Variants in ACAA2 observed in about 807,000 individuals in gnomAD.
ACAA2 encodes the protein 3-ketoacyl-CoA thiolase, mitochondrial.
Under a neutral mutation model 44.8 loss-of-function variants are expected in ACAA2, and 35 were observed. The observed-to-expected ratio is 0.78, with a 90% CI of 0.60 to 1.04. The LOEUF is 1.04. ACAA2 is among the 50% of genes least tolerant of loss of function. The pLI is 0.00. For missense variants in ACAA2, 468 were observed against 482.6 expected (o/e 0.97, Z 0.28); for synonymous variants, 142 against 166.5 (o/e 0.85, Z 1.13).
chr18:49,791,349 T>G (rs2023396355), intron 7 of ACAA2, 121 bp downstream of exon 7: 2 of 878,242 alleles, frequency 2.3e-6, no homozygotes, highest in African/African-American at 3.4e-5. Flanking sequence ...TTTAAACTGA[T>G]TACCAATCTT....
chr18:49,784,061 A>G (rs2023297916), intron 9 of ACAA2, 130 bp from the exon 10 acceptor site: 1 of 753,340 alleles, frequency 1.3e-6, no homozygotes, highest in East Asian at 2.7e-5. Context: ...CCCAGTCCTC[A>G]ATTTTGGTAT....
Position 49,785,202 on chromosome 18 carries a change from T to C in ACAA2, c.1104A>G (p.Glu368=), listed in dbSNP as rs2023314044. ...CAGCTATTTCTAGCAAATACCTTAA[T>C]TCGTGAACCAGGTGTGCAGTAATTC... The part of the protein sequence containing the change: ...GSRITAHLVH[E]LRRRGGKYAV... The change falls in exon 9 of 10, where the codon GAA becomes GAG. Residue 368 remains glutamate, a synonymous_variant. Coordinates refer to ENST00000285093, the MANE Select transcript of ACAA2 (RefSeq NM_006111.3). The C allele has an allele frequency of 6.2e-7, 1 of 1,608,752 alleles. No individual in the cohort carries two copies.
chr18:49,806,639 T>G (rs1383973900), intron 1 of ACAA2, among the ~76,000 whole-genome samples: 1 of 152,106 alleles, frequency 6.6e-6, no homozygotes, highest in Non-Finnish European at 1.5e-5. Context: ...ACAAAAAATA[T>G]GACAATCAAC....
At chr18:49,785,471 C>A in intron 8 of ACAA2, 120 bp from the exon 9 acceptor site, 1 of 931,042 alleles carries the variant, frequency 1.1e-6, no homozygotes, top group Middle Eastern at 3.2e-4. Flanking sequence ...AATTACCTCG[C>A]AAAGTTATTT....
intron 1 of ACAA2, among the ~76,000 whole-genome samples, chr18:49,811,747 T>A (rs562362004): frequency 6.6e-6 from 1 of 152,310 alleles, no homozygotes; most frequent in Admixed American, 6.5e-5. Context: ...ACTACCTGTG[T>A]TATTATACAC....
chr18:49,810,847 T>C (rs1275423186), intron 1 of ACAA2, among the ~76,000 whole-genome samples: 3 of 151,594 alleles, frequency 2.0e-5, no homozygotes, highest in Non-Finnish European at 4.4e-5. Context: ...CCACCATGCT[T>C]GGCTAATTTT....
chr18:49,787,351 A>C lies in ACAA2; in HGVS notation c.894T>G (p.Pro298=), dbSNP rs1448876599. Residue 298 remains proline (P), a synonymous_variant, in exon 8 of 10, where the codon CCT becomes CCG. Coordinates refer to ENST00000285093, the MANE Select transcript of ACAA2 (RefSeq NM_006111.3). ...CTTTCTTCAGTGCCCCACTGATAGC[A>C]GGGACAGGACCTATATAATAATAAA... The part of the protein sequence containing the change: ...DPSIMGIGPV[P]AISGALKKAG... 2.1e-5 allele frequency: 31 copies of C among 1,475,108 alleles called. No homozygotes were observed. In the East Asian group the frequency reaches 8.4e-4, roughly 40 times the overall value. The allele number at this position is 1,475,108 out of a possible 1,614,324, so 91.4% of individuals were successfully genotyped here.
chr18:49,786,612 G>A (rs573407921), intron 8 of ACAA2: 1 of 152,274 alleles, frequency 6.6e-6, no homozygotes, highest in East Asian at 1.9e-4. Flanking sequence ...TGTTCTATTA[G>A]TTATTTCCCA....
At position 49,787,283 on chromosome 18, in the gene ACAA2, A is replaced by AAAC. The variant is rs781593065; in HGVS notation, c.954+7_954+8insGTT. The AAAC allele has an allele frequency of 2.1e-6, 3 of 1,454,254 alleles. No individual in the cohort carries two copies. In the South Asian group the frequency reaches 4.4e-5, roughly 21 times the overall value. 90.1% of individuals were successfully genotyped at this position (1,454,254 alleles called of 1,614,324 possible). ...GTTAAAAAAAAAAAAAAAAAAAAAAACACTTACCTCTACCAAATCCATGTC... is the reference window on the plus strand; with the variant it reads ...GTTAAAAAAAAAAAAAAAAAAAAAAAAACCACTTACCTCTACCAAATCCATGTC... On this transcript the variant is annotated splice_region_variant and intron_variant, in intron 8 of 9. Coordinates refer to ENST00000285093, the MANE Select transcript of ACAA2 (RefSeq NM_006111.3).
chr18:49,803,825 T>A (rs1412700510), intron 1 of ACAA2, among the ~76,000 whole-genome samples: 1 of 151,998 alleles, frequency 6.6e-6, no homozygotes, highest in African/African-American at 2.4e-5. Flanking sequence ...TCTAAACCTC[T>A]GCCAGGAAAC....
chr18:49,785,072 T>G, intron 9 of ACAA2, 125 bp downstream of exon 9: 1 of 1,177,500 alleles, frequency 8.5e-7, no homozygotes, highest in East Asian at 2.5e-5. Flanking sequence ...AACTTGTTCC[T>G]GGTAACAGCC....
chr18:49,803,105 C>T (rs1306069693), intron 1 of ACAA2, among the ~76,000 whole-genome samples: 1 of 152,062 alleles, frequency 6.6e-6, no homozygotes, highest in Non-Finnish European at 1.5e-5. Flanking sequence ...AAGACCACCA[C>T]TTCTCCTGCG....
intron 5 of ACAA2, among the ~76,000 whole-genome samples, chr18:49,793,230 A>G (rs955570654): frequency 6.6e-6 from 1 of 152,204 alleles, no homozygotes; most frequent in Non-Finnish European, 1.5e-5. Flanking sequence ...TTTGACCTCC[A>G]CTGACTAGAA....
Position 49,794,319 on chromosome 18 carries a change from C to A in ACAA2, c.538G>T (p.Asp180Tyr). 1.2e-6 allele frequency: 2 copies of A among 1,609,780 alleles called. No individual in the cohort carries two copies. Among genetic ancestry groups the A allele is most frequent in the South Asian group, 2.2e-5 (2 of 90,614 alleles). ...TGCTGTGACTGCAGGGCATATTTGTCACATTCTTCTCTGCTTATTTTGTGT... is the reference window on the plus strand; with the variant it reads ...TGCTGTGACTGCAGGGCATATTTGTAACATTCTTCTCTGCTTATTTTGTGT... ...VKHKISREEC[D>Y]KYALQSQQRW... Residue 180 changes from aspartate (D) to tyrosine (Y), a missense_variant, in exon 5 of 10, where the codon GAC becomes TAC. Asp to Tyr is a radical substitution (Grantham distance 160, BLOSUM62 -3). Transcript: ENST00000285093.
chr18:49,800,519 G>C (rs1043037424), intron 2 of ACAA2, among the ~76,000 whole-genome samples: 3 of 152,208 alleles, frequency 2.0e-5, no homozygotes, highest in Non-Finnish European at 2.9e-5. Flanking sequence ...GAAAGAAGTA[G>C]ACATGGGAGA....
At chr18:49,784,124 A>G (rs556389712) in intron 9 of ACAA2, among the ~76,000 whole-genome samples, 193 bp from the exon 10 acceptor site, 1 of 151,588 alleles carries the variant, frequency 6.6e-6, no homozygotes, top group Admixed American at 6.6e-5. Flanking sequence ...ATCAAAAAAA[A>G]CAAAAAACAA....
intron 2 of ACAA2, 101 bp downstream of exon 2, chr18:49,802,586 C>G: frequency 7.8e-6 from 7 of 897,142 alleles, no homozygotes; most frequent in Non-Finnish European, 7.9e-6. Context: ...AAGTCTATAA[C>G]TATTATTAAC....
chr18:49,800,306 C>A (rs948511708), intron 2 of ACAA2, among the ~76,000 whole-genome samples: 2 of 150,924 alleles, frequency 1.3e-5, no homozygotes, highest in African/African-American at 4.9e-5. Flanking sequence ...CCAGCCGCCC[C>A]GTCCGGGAGG....
chr18:49,804,810 A>G (rs1187492058), intron 1 of ACAA2, among the ~76,000 whole-genome samples: 1 of 152,214 alleles, frequency 6.6e-6, no homozygotes, highest in African/African-American at 2.4e-5. Flanking sequence ...ATCTGCCAAA[A>G]AAAAACTTGT....
Sources: allele counts gnomAD v4.1 joint callset (sites outside exome capture counted in the v4.1 genomes callset), GRCh38; gene constraint gnomAD v4.1.1; transcripts MANE v1.5; gene names NCBI Gene and HGNC (gene_info 2026-07-23, HGNC 2026-07-21).